ZNF469: variants seen among roughly 807,000 people sequenced by gnomAD.
The protein encoded by ZNF469 is zinc finger protein 469.
Under a neutral mutation model 1.0 loss-of-function variants are expected in ZNF469, and 1 was observed. That is an observed-to-expected ratio of 1.00 (90% confidence interval 0.35 to 4.73). The LOEUF (loss-of-function observed/expected upper bound fraction) is 4.73. Among genes scored for constraint, ZNF469 ranks in the 30% most tolerant of loss-of-function variants. The pLI is 0.16. For missense variants in ZNF469, 6,100 were observed against 5,356.3 expected (o/e 1.14, Z -4.33); for synonymous variants, 2,703 against 2,363.4 (o/e 1.14, Z -4.17).
At position 88,431,502 on chromosome 16, in the gene ZNF469, T is replaced by G. The variant is rs1252302231; in HGVS notation, c.4032T>G (p.Val1344=). 7.7e-6 allele frequency: 12 copies of G among 1,550,438 alleles called. No individual in the cohort carries two copies. The South Asian group carries it at 1.3e-4, about 17-fold the overall frequency. ...GTACCGCCTGCCCCAAACCCAGTGTTCTGTCTTCAAAGATCTCCAGTTTTG... is the reference window on the plus strand; with the variant it reads ...GTACCGCCTGCCCCAAACCCAGTGTGCTGTCTTCAAAGATCTCCAGTTTTG... ...PSSTACPKPS[V]LSSKISSFGC... Residue 1344 remains valine, a synonymous_variant, in exon 3 of 3, where the codon GTT becomes GTG. Transcript: ENST00000565624.
At chr16:88,415,627 G>A (rs1905281771) in intron 1 of ZNF469, among the ~76,000 whole-genome samples, 1 of 152,194 alleles carries the variant, frequency 6.6e-6, no homozygotes, top group Non-Finnish European at 1.5e-5. Context: ...TGTCTTCCAG[G>A]GGCAGGAGGA....
chr16:88,344,433 A>G, the ZNF469 span, among the ~76,000 whole-genome samples: 4 of 152,186 alleles, frequency 2.6e-5, no homozygotes, highest in African/African-American at 9.7e-5. Flanking sequence ...TACATCTTCA[A>G]CTGTTCTGAA....
At chr16:88,331,141 T>C in the ZNF469 span, among the ~76,000 whole-genome samples, 4 of 148,632 alleles carry the variant, frequency 2.7e-5, no homozygotes, top group Non-Finnish European at 5.9e-5. Context: ...ACCATCACCA[T>C]CACCATCACT....
the ZNF469 span, among the ~76,000 whole-genome samples, chr16:88,355,772 T>C: frequency 6.6e-6 from 1 of 152,112 alleles, no homozygotes; most frequent in Admixed American, 6.5e-5. Context: ...TCTGCAGAAC[T>C]GTGAGCGGGG....
the ZNF469 span, among the ~76,000 whole-genome samples, chr16:88,160,245 C>T: frequency 0.075 from 11,472 of 152,258 alleles, 778 homozygotes; most frequent in African/African-American, 0.18. Flanking sequence ...AGCAAAGAGA[C>T]GGCAAATATC....
At chr16:88,320,347 C>T in the ZNF469 span, among the ~76,000 whole-genome samples, 1 of 152,168 alleles carries the variant, frequency 6.6e-6, no homozygotes, top group African/African-American at 2.4e-5. Flanking sequence ...GCGTCTTCAT[C>T]AGCATTTCTT....
chr16:88,199,478 C>A, the ZNF469 span, among the ~76,000 whole-genome samples: 1 of 152,230 alleles, frequency 6.6e-6, no homozygotes, highest in African/African-American at 2.4e-5. Flanking sequence ...GCCCCCATGG[C>A]CTGTGGATCT....
the ZNF469 span, among the ~76,000 whole-genome samples, chr16:88,102,426 TG>T: frequency 6.6e-6 from 1 of 152,300 alleles, no homozygotes; most frequent in South Asian, 2.1e-4. Flanking sequence ...AGGCTGAACC[TG>T]GGAGGTGGAG....
At chr16:88,413,392 T>C (rs1905226092) in intron 1 of ZNF469, among the ~76,000 whole-genome samples, 1 of 151,688 alleles carries the variant, frequency 6.6e-6, no homozygotes, top group South Asian at 2.1e-4. Context: ...AACGCAGGAG[T>C]GAGGAGACAG....
At chr16:88,388,121 C>T (rs117656242) in intron 1 of ZNF469, among the ~76,000 whole-genome samples, 3,948 of 152,332 alleles carry the variant, frequency 0.026, 73 homozygotes, top group Middle Eastern at 0.071. Context: ...CGAGCAGGCG[C>T]GAGGGTGTGG....
chr16:88,250,652 A>G, the ZNF469 span, among the ~76,000 whole-genome samples: 1 of 152,130 alleles, frequency 6.6e-6, no homozygotes, highest in Non-Finnish European at 1.5e-5. Context: ...CTGAAGTTCT[A>G]TTCCTTTCTT....
chr16:88,191,227 T>G, the ZNF469 span, among the ~76,000 whole-genome samples: 1 of 152,036 alleles, frequency 6.6e-6, no homozygotes, highest in African/African-American at 2.4e-5. Flanking sequence ...CAGTCTGCAG[T>G]TCTACTCTTT....
the ZNF469 span, among the ~76,000 whole-genome samples, chr16:88,267,015 G>A: frequency 2.6e-5 from 4 of 152,234 alleles, no homozygotes; most frequent in African/African-American, 4.8e-5. Context: ...CCAAGTCCTC[G>A]GGAACTGGAT....
chr16:88,166,268 T>C, the ZNF469 span, among the ~76,000 whole-genome samples: 2 of 152,174 alleles, frequency 1.3e-5, no homozygotes, highest in East Asian at 1.9e-4. The surrounding 1 kb of genome is among the most constrained non-coding windows in gnomAD (Gnocchi z 4.5). Context: ...TGATCAAATC[T>C]CCATTCCTCC....
the ZNF469 span, among the ~76,000 whole-genome samples, chr16:88,158,864 G>T: frequency 6.6e-6 from 1 of 152,046 alleles, no homozygotes; most frequent in Non-Finnish European, 1.5e-5. Flanking sequence ...CCAGCTCCTG[G>T]GGCCCAGAAT....
At chr16:88,266,125 G>T in the ZNF469 span, among the ~76,000 whole-genome samples, 1 of 152,244 alleles carries the variant, frequency 6.6e-6, no homozygotes, top group Non-Finnish European at 1.5e-5. Context: ...ACACGGGGTT[G>T]GCCACTACTG....
At chr16:88,155,126 G>T in the ZNF469 span, among the ~76,000 whole-genome samples, 1 of 152,210 alleles carries the variant, frequency 6.6e-6, no homozygotes, top group South Asian at 2.1e-4. Flanking sequence ...GGCTAGGCTG[G>T]CACAGGTGAG....
intron 1 of ZNF469, among the ~76,000 whole-genome samples, chr16:88,395,089 C>G (rs759173575): frequency 1.3e-5 from 2 of 152,226 alleles, no homozygotes; most frequent in African/African-American, 4.8e-5. Context: ...CCCCAGGGAC[C>G]CTTCTACTTT....
At chr16:88,335,154 A>C in the ZNF469 span, among the ~76,000 whole-genome samples, 3 of 152,174 alleles carry the variant, frequency 2.0e-5, no homozygotes, top group Admixed American at 2.0e-4. Flanking sequence ...TGAGAGGATG[A>C]ACGTCTGTTG....
Sources: allele counts gnomAD v4.1 joint callset (sites outside exome capture counted in the v4.1 genomes callset), GRCh38; gene constraint gnomAD v4.1.1; non-coding constraint Gnocchi (gnomAD v3.1); transcripts MANE v1.5; gene names NCBI Gene and HGNC (gene_info 2026-07-23, HGNC 2026-07-21).